MAS1: variants seen among roughly 807,000 people sequenced by gnomAD.
MAS1 encodes the protein MAS1 proto-oncogene, G protein-coupled receptor, also known as proto-oncogene Mas.
For synonymous variants in MAS1, 163 were observed against 164.2 expected (o/e 0.99, Z 0.05); for missense variants, 387 against 409.7 (o/e 0.94, Z 0.48).
rs1169118896 is a variant in MAS1, at chr6:159,908,768, C to T, written c.*835C>T. On this transcript the variant is annotated 3_prime_UTR_variant, in exon 3 of 3. Transcript: ENST00000674077. ...GAGGAGTTTCTCATGGCTCCCCTTC[C>T]CTCTGTGGGAATACTAGATGAAATG... The T allele has an allele frequency of 1.3e-5, 2 of 151,966 alleles. No homozygotes were observed. Among genetic ancestry groups the T allele is most frequent in the Non-Finnish European group, 2.9e-5 (2 of 68,022 alleles). The allele number at this position is 151,966 out of a possible 1,614,324, so 9.4% of individuals were successfully genotyped here. A position where few individuals can be genotyped will look rare whatever the true frequency, so the allele number is the denominator to read the frequency against.
At chr6:159,896,533 G>T (rs1372892188) in intron 1 of MAS1, among the ~76,000 whole-genome samples, 1 of 152,162 alleles carries the variant, frequency 6.6e-6, no homozygotes, top group African/African-American at 2.4e-5. Flanking sequence ...GTTGAATCTG[G>T]TTAATTTTTA....
chr6:159,889,598 G>T (rs556642512), upstream of MAS1, among the ~76,000 whole-genome samples: 110 of 152,242 alleles, frequency 7.2e-4, no homozygotes, highest in African/African-American at 2.6e-3. Context: ...CTGCCTTGCA[G>T]TCTGCTTTAG....
chr6:159,902,025 A>G (rs1197141227), intron 2 of MAS1: 1 of 152,134 alleles, frequency 6.6e-6, no homozygotes, highest in African/African-American at 2.4e-5. Context: ...AGAATGGGTC[A>G]GTAGTAAAAA....
chr6:159,906,196 G>A (rs571092124), intron 2 of MAS1, among the ~76,000 whole-genome samples: 12 of 152,266 alleles, frequency 7.9e-5, no homozygotes, highest in African/African-American at 1.9e-4. Context: ...GGTGTTTCCC[G>A]CACCATCTGG....
Position 159,908,986 on chromosome 6 carries a change from T to C in MAS1, c.*1053T>C, listed in dbSNP as rs1392466174. The C allele has an allele frequency of 4.6e-5, 7 of 151,870 alleles. No homozygotes were observed. The East Asian group carries it at 1.3e-3, about 29-fold the overall frequency. The allele number at this position is 151,870 out of a possible 1,614,324, so 9.4% of individuals were successfully genotyped here. ...TCCTCTCCTCCTGAGGCTTTTTTTT[T>C]TTTTTTCATCACACCTGGAAGGAGG... On this transcript the variant is annotated 3_prime_UTR_variant, in exon 3 of 3. Coordinates refer to ENST00000674077, the MANE Select transcript of MAS1 (RefSeq NM_002377.4).
intron 2 of MAS1, among the ~76,000 whole-genome samples, chr6:159,899,959 T>A (rs1782804240): frequency 6.6e-6 from 1 of 151,958 alleles, no homozygotes; most frequent in South Asian, 2.1e-4. Flanking sequence ...GGCAGGAGAA[T>A]CGCTTGAACT....
intron 1 of MAS1, among the ~76,000 whole-genome samples, chr6:159,898,215 T>C (rs1782775922): frequency 6.6e-6 from 1 of 152,014 alleles, no homozygotes; most frequent in Non-Finnish European, 1.5e-5. Flanking sequence ...ATAAAAAATA[T>C]TCCCTACAAT....
chr6:159,905,781 C>T (rs762050898), intron 2 of MAS1, among the ~76,000 whole-genome samples: 3 of 152,198 alleles, frequency 2.0e-5, no homozygotes, highest in South Asian at 2.1e-4. Context: ...GTGGCTTACA[C>T]CTGTAATCCC....
intron 2 of MAS1, chr6:159,902,536 G>T (rs1294438597): frequency 1.3e-5 from 2 of 152,200 alleles, no homozygotes; most frequent in Non-Finnish European, 2.9e-5. Context: ...GCTAAATAAA[G>T]TATGTTATTA....
In MAS1 at chr6:159,907,746, T is replaced by C. The variant is rs534430098; in HGVS notation, c.791T>C (p.Ile264Thr). 44 of 1,613,684 alleles carry C rather than the reference T, an allele frequency of 2.7e-5. No homozygotes were observed. Among genetic ancestry groups the C allele is most frequent in the Non-Finnish European group, 2.5e-6 (3 of 1,179,970 alleles). Reference protein sequence around the residue: ...YWSTFGNLHHISLLFSTINSS... With the variant: ...YWSTFGNLHHTSLLFSTINSS... Reference sequence around the variant, plus strand: ...TCGACCTTTGGGAACCTACACCACATTTCCCTGCTCTTCTCCACAATCAAC... The same window carrying C: ...TCGACCTTTGGGAACCTACACCACACTTCCCTGCTCTTCTCCACAATCAAC... The change falls in exon 3 of 3, where the codon ATT (isoleucine) becomes ACT (threonine). Residue 264 changes from isoleucine to threonine, a missense_variant. Transcript: ENST00000674077.
chr6:159,915,999 G>A lies in MAS1; in HGVS notation c.*8066G>A, dbSNP rs538475868. On this transcript the variant is annotated 3_prime_UTR_variant, in exon 3 of 3. Transcript: ENST00000674077. ...GAGCATGGCCTAAAGCAGGGAATATGTCTAGGCAGAGTGACACAGGGAGCC... is the reference window on the plus strand; with the variant it reads ...GAGCATGGCCTAAAGCAGGGAATATATCTAGGCAGAGTGACACAGGGAGCC... The A allele has an allele frequency of 1.3e-5, 2 of 152,442 alleles. No individual in the cohort carries two copies. The highest frequency in any genetic ancestry group is 2.9e-5 in the Non-Finnish European group (2 of 68,098). The allele number at this position is 152,442 out of a possible 1,614,324, so 9.4% of individuals were successfully genotyped here. A position where few individuals can be genotyped will look rare whatever the true frequency, so the allele number is the denominator to read the frequency against.
rs1291658551 is a variant in MAS1 at position 159,912,140 on chromosome 6, C to T, written c.*4207C>T. On this transcript the variant is annotated 3_prime_UTR_variant, in exon 3 of 3. Coordinates refer to ENST00000674077, the MANE Select transcript of MAS1 (RefSeq NM_002377.4). ...ACAGCATTGTATGCACTGAGATGAG[C>T]AACTGGAGAGCCACCAGCAGCCATC... 3 of 152,320 alleles carry T rather than the reference C, an allele frequency of 2.0e-5. No homozygotes were observed. 9.4% of individuals were successfully genotyped at this position (152,320 alleles called of 1,614,324 possible).
Position 159,907,920 on chromosome 6 carries a change from A to T in MAS1, c.965A>T (p.Glu322Val), listed in dbSNP as rs1295979434. ...GACAATTGTAATACGGTCACAGTTGAGACTGTCGTCTAAGAACTGTGAGGG... is the reference window on the plus strand; with the variant it reads ...GACAATTGTAATACGGTCACAGTTGTGACTGTCGTCTAAGAACTGTGAGGG... ...QKDNCNTVTV[E>V]TVV The change falls in exon 3 of 3, where the codon GAG (glutamate) becomes GTG (valine). Residue 322 changes from glutamate to valine, a missense_variant. Coordinates refer to ENST00000674077, the MANE Select transcript of MAS1 (RefSeq NM_002377.4). 3.1e-6 allele frequency: 5 copies of T among 1,596,296 alleles called. No homozygotes were observed. In the Admixed American group the frequency reaches 8.7e-5, roughly 28 times the overall value.
intron 1 of MAS1, among the ~76,000 whole-genome samples, chr6:159,895,842 G>GT (rs887969803): frequency 6.6e-6 from 1 of 152,186 alleles, no homozygotes; most frequent in Non-Finnish European, 1.5e-5. Context: ...CTTGAAGAAC[G>GT]TTTATACCCT....
rs1438793540 is a variant in MAS1, at chr6:159,916,411, G to A, written c.*8478G>A. 1 of 152,102 alleles carries A rather than the reference G, an allele frequency of 6.6e-6. No individual in the cohort carries two copies. The highest frequency in any genetic ancestry group is 1.9e-4 in the East Asian group (1 of 5,200). The allele number at this position is 152,102 out of a possible 1,614,324, so 9.4% of individuals were successfully genotyped here. ...GTTTGAGGAGATGAAAATGTTCTGG[G>A]GATCTATTGCACAACAATGGACATG... On this transcript the variant is annotated 3_prime_UTR_variant, in exon 3 of 3. Transcript: ENST00000674077.
At chr6:159,903,791 C>G (rs1474304567) in intron 2 of MAS1, among the ~76,000 whole-genome samples, 1 of 152,134 alleles carries the variant, frequency 6.6e-6, no homozygotes, top group African/African-American at 2.4e-5. Flanking sequence ...TGCTTTCTAT[C>G]CATGTATAAT....
At chr6:159,897,657 G>C (rs975550155) in intron 1 of MAS1, among the ~76,000 whole-genome samples, 1 of 152,138 alleles carries the variant, frequency 6.6e-6, no homozygotes, top group Non-Finnish European at 1.5e-5. Context: ...AATGAACAGG[G>C]GCAGCTTAGA....
rs976821964 is a variant in MAS1 at position 159,912,896 on chromosome 6, A to G, written c.*4963A>G. ...ATGGAGCAGAGTTAGACCGGTTAGC[A>G]GCTGAATCAGAGGTAAATAAACAAG... On this transcript the variant is annotated 3_prime_UTR_variant, in exon 3 of 3. Coordinates refer to ENST00000674077, the MANE Select transcript of MAS1 (RefSeq NM_002377.4). 6.6e-6 allele frequency: 1 copy of G among 152,248 alleles called. No individual in the cohort carries two copies. Among genetic ancestry groups the G allele is most frequent in the African/African-American group, 2.4e-5 (1 of 41,470 alleles). The allele number at this position is 152,248 out of a possible 1,614,324, so 9.4% of individuals were successfully genotyped here. A position where few individuals can be genotyped will look rare whatever the true frequency, so the allele number is the denominator to read the frequency against.
intron 2 of MAS1, among the ~76,000 whole-genome samples, chr6:159,901,183 T>A (rs773905301): frequency 9.2e-5 from 14 of 152,172 alleles, no homozygotes; most frequent in Non-Finnish European, 1.5e-4. Context: ...GGCCCCACTC[T>A]TAGGACCTTA....
Sources: gnomAD v4.1 joint callset for allele counts (sites outside exome capture counted in the v4.1 genomes callset) on GRCh38, gnomAD v4.1.1 for gene constraint, MANE v1.5 for transcripts, NCBI Gene and HGNC (gene_info 2026-07-23, HGNC 2026-07-21) for gene names.